Variants in DTD1 observed in about 807,000 individuals in gnomAD.
The protein encoded by DTD1 is D-tyrosyl-tRNA deacylase 1 homolog.
In DTD1, 13 loss-of-function variants were observed where a neutral mutation model predicts 25.6. The observed-to-expected ratio is 0.51, with a 90% confidence interval of 0.33 to 0.81. DTD1 has a LOEUF of 0.81. Among genes scored for constraint, DTD1 ranks in the 30% least tolerant of loss-of-function variants. The pLI is 0.02. For missense variants in DTD1, 193 were observed against 266.4 expected (o/e 0.72, Z 1.92); for synonymous variants, 110 against 103.6 (o/e 1.06, Z -0.37).
intron 4 of DTD1, among the ~76,000 whole-genome samples, chr20:18,702,744 CAAA>C (rs10583250): frequency 0.37 from 45,551 of 122,932 alleles, 7,339 homozygotes; most frequent in Middle Eastern, 0.43. Flanking sequence ...TGGAATGAGG[CAAA>C]AAAAAAAAAA....
At chr20:18,592,971 C>T (rs921627935) in intron 1 of DTD1, among the ~76,000 whole-genome samples, 5 of 152,194 alleles carry the variant, frequency 3.3e-5, no homozygotes, top group African/African-American at 1.2e-4. Context: ...CATAAACCAC[C>T]ATGCCCGGCC....
chr20:18,609,415 G>A (rs374403601), intron 3 of DTD1, among the ~76,000 whole-genome samples: 21 of 152,172 alleles, frequency 1.4e-4, no homozygotes, highest in African/African-American at 5.1e-4. Context: ...GCTGCCCAAA[G>A]TGCTGGGATT....
chr20:18,661,710 A>T (rs1044407913), intron 4 of DTD1, among the ~76,000 whole-genome samples: 1 of 152,224 alleles, frequency 6.6e-6, no homozygotes, highest in South Asian at 2.1e-4. Flanking sequence ...CTCTCCATTT[A>T]TGAAACTTTG....
At chr20:18,656,543 G>T (rs759469224) in intron 4 of DTD1, among the ~76,000 whole-genome samples, 3 of 152,186 alleles carry the variant, frequency 2.0e-5, no homozygotes, top group Non-Finnish European at 4.4e-5. Context: ...TTCCCATTCA[G>T]TTCTTGGGAG....
At chr20:18,630,665 G>C (rs2060783357) in intron 4 of DTD1, 1 of 152,126 alleles carries the variant, frequency 6.6e-6, no homozygotes, top group Non-Finnish European at 1.5e-5. Flanking sequence ...CCCAGCCAAA[G>C]TTCACTAGGT....
chr20:18,746,106 C>T (rs1400438033), intron 5 of DTD1, among the ~76,000 whole-genome samples: 1 of 152,108 alleles, frequency 6.6e-6, no homozygotes, highest in Non-Finnish European at 1.5e-5. Context: ...GCTGACGGTA[C>T]CTATTTTGGG....
At chr20:18,649,900 C>T (rs1295734861) in intron 4 of DTD1, among the ~76,000 whole-genome samples, 1 of 152,194 alleles carries the variant, frequency 6.6e-6, no homozygotes, top group East Asian at 1.9e-4. Context: ...TTGGACTTCA[C>T]CTACAAAACA....
Position 18,595,416 on chromosome 20 carries a change from G to A in DTD1, c.135-590G>A, listed in dbSNP as rs556667923. On this transcript the variant is annotated intron_variant, in intron 2 of 5. Coordinates refer to ENST00000377452, the MANE Select transcript of DTD1 (RefSeq NM_080820.6). ...TGAGTAGCTGGGATTAAAGGCGCCCGCCACCATGCCTGGCTAACTTTTGTA... is the reference window on the plus strand; with the variant it reads ...TGAGTAGCTGGGATTAAAGGCGCCCACCACCATGCCTGGCTAACTTTTGTA... Among the ~76,000 whole-genome samples, 8 of 152,036 alleles carry A rather than the reference G, an allele frequency of 5.3e-5. No individual in the cohort carries two copies. The South Asian group carries it at 1.7e-3, about 32-fold the overall frequency.
At chr20:18,752,781 T>C (rs910476792) in intron 5 of DTD1, among the ~76,000 whole-genome samples, 7 of 152,214 alleles carry the variant, frequency 4.6e-5, no homozygotes, top group African/African-American at 1.7e-4. Context: ...ATTCAAATAT[T>C]TTTGTCTGCC....
chr20:18,760,330 G>A (rs1345053465), intron 5 of DTD1, among the ~76,000 whole-genome samples: 1 of 152,136 alleles, frequency 6.6e-6, no homozygotes, highest in African/African-American at 2.4e-5. Context: ...AGAATTTTAA[G>A]TTTTTCTACT....
At chr20:18,635,235 C>G (rs549622725) in intron 4 of DTD1, among the ~76,000 whole-genome samples, 2 of 152,340 alleles carry the variant, frequency 1.3e-5, no homozygotes, top group South Asian at 4.1e-4. Context: ...ATTGAACAAA[C>G]GCTGACTGAG....
intron 1 of DTD1, 100 bp from the exon 2 acceptor site, chr20:18,593,631 G>C: frequency 1.3e-6 from 1 of 785,846 alleles, no homozygotes; most frequent in Non-Finnish European, 2.2e-6. Flanking sequence ...GAAGTTATAA[G>C]AAGTATGTAT....
At chr20:18,678,879 T>A (rs2060986142) in intron 4 of DTD1, 1 of 152,196 alleles carries the variant, frequency 6.6e-6, no homozygotes, top group Non-Finnish European at 1.5e-5. Context: ...AGGCTTAGAA[T>A]CAGTAGACCC....
intron 3 of DTD1, among the ~76,000 whole-genome samples, chr20:18,618,669 TTA>T: frequency 8.8e-6 from 1 of 113,302 alleles, no homozygotes; most frequent in African/African-American, 3.6e-5. Context: ...ATACATAATT[TTA>T]TACACACACA....
chr20:18,629,177 G>A (rs1372428479), intron 4 of DTD1, among the ~76,000 whole-genome samples: 3 of 151,408 alleles, frequency 2.0e-5, no homozygotes, highest in African/African-American at 7.3e-5. Context: ...TGTATTTTTA[G>A]TAGAGACGGG....
intron 4 of DTD1, among the ~76,000 whole-genome samples, chr20:18,731,702 C>A (rs2061239552): frequency 6.6e-6 from 1 of 152,134 alleles, no homozygotes; most frequent in African/African-American, 2.4e-5. Flanking sequence ...ACTACTTTCC[C>A]TCTCTCCATC....
chr20:18,747,006 A>G (rs2061302769), intron 5 of DTD1, among the ~76,000 whole-genome samples: 1 of 152,116 alleles, frequency 6.6e-6, no homozygotes, highest in Non-Finnish European at 1.5e-5. Flanking sequence ...CGTCACATAA[A>G]ACTTCCACTC....
intron 3 of DTD1, among the ~76,000 whole-genome samples, chr20:18,601,076 G>C (rs534401031): frequency 2.0e-5 from 3 of 152,172 alleles, no homozygotes; most frequent in Non-Finnish European, 4.4e-5. Flanking sequence ...TTCCAGTCCG[G>C]TGTTGGAAAG....
chr20:18,658,330 CTT>C (rs1401329441), intron 4 of DTD1, among the ~76,000 whole-genome samples: 6 of 140,754 alleles, frequency 4.3e-5, no homozygotes, highest in Admixed American at 7.1e-5. Flanking sequence ...TACTTAATTT[CTT>C]TTTTTTTTTT....
Sources: gnomAD v4.1 joint callset for allele counts (sites outside exome capture counted in the v4.1 genomes callset) on GRCh38, gnomAD v4.1.1 for gene constraint, MANE v1.5 for transcripts, NCBI Gene and HGNC (gene_info 2026-07-23, HGNC 2026-07-21) for gene names.